Variants in AATF observed in about 807,000 individuals in gnomAD.
AATF encodes the protein apoptosis antagonizing transcription factor.
Under a neutral mutation model 63.7 loss-of-function variants are expected in AATF, and 48 were observed. That is an observed-to-expected ratio of 0.75 (90% CI 0.60 to 0.96). The LOEUF is 0.96. AATF is among the 40% of genes least tolerant of loss of function. AATF has a pLI of 0.00. For missense variants in AATF, 639 were observed against 685.7 expected, an observed-to-expected ratio of 0.93 and a Z score of 0.76; for synonymous variants, 258 against 247.7, an observed-to-expected ratio of 1.04 and a Z score of -0.39.
chr17:37,031,430 C>G (rs1482225332), intron 10 of AATF, 184 bp from the exon 11 acceptor site: 1 of 616,100 alleles, frequency 1.6e-6, no homozygotes. Context: ...CCACAGATAC[C>G]ATGGGATGAC....
Position 37,033,541 on chromosome 17 carries a change from A to G in AATF, c.1619+1856A>G, listed in dbSNP as rs111511947. 1.9e-3 allele frequency among the ~76,000 whole-genome samples: 292 copies of G among 152,316 alleles called. 3 individuals are homozygous for G. Among genetic ancestry groups the G allele is most frequent in the African/African-American group, 6.6e-3 (276 of 41,564 alleles). On this transcript the variant is annotated intron_variant, in intron 11 of 11. Transcript: ENST00000619387. ...ACTTAGTTTTTCCAGAATCTTACCAATATTAACTCCTAATTTTTGAAGGTC... is the reference window on the plus strand; with the variant it reads ...ACTTAGTTTTTCCAGAATCTTACCAGTATTAACTCCTAATTTTTGAAGGTC...
chr17:36,989,126 A>G, intron 6 of AATF, 121 bp from the exon 7 acceptor site: 1 of 1,164,782 alleles, frequency 8.6e-7, no homozygotes, highest in Non-Finnish European at 1.2e-6. Flanking sequence ...CTTTACAGAA[A>G]GTCCCTCCTG....
intron 11 of AATF, among the ~76,000 whole-genome samples, chr17:37,049,255 T>G (rs2071724420): frequency 6.6e-6 from 1 of 152,186 alleles, no homozygotes; most frequent in African/African-American, 2.4e-5. Flanking sequence ...CTTGTTCTAT[T>G]TAACTATTCA....
rs543263701 is a variant in AATF at position 37,006,058 on chromosome 17, G to A, written c.1399-12947G>A. Reference sequence around the variant, plus strand: ...GCTGAGGTAGGAAGATCACTTGAGCGCAGGACCTCAGGGCTGTACAGTGAA... The same window carrying A: ...GCTGAGGTAGGAAGATCACTTGAGCACAGGACCTCAGGGCTGTACAGTGAA... On this transcript the variant is annotated intron_variant, in intron 8 of 11. Coordinates refer to ENST00000619387, the MANE Select transcript of AATF (RefSeq NM_012138.4). 7.9e-5 allele frequency among the ~76,000 whole-genome samples: 12 copies of A among 152,200 alleles called. No individual in the cohort carries two copies. The South Asian group carries it at 1.9e-3, about 24-fold the overall frequency.
intron 11 of AATF, among the ~76,000 whole-genome samples, chr17:37,050,249 A>G (rs910063359): frequency 1.3e-5 from 2 of 152,164 alleles, no homozygotes; most frequent in African/African-American, 4.8e-5. Context: ...CCCCAAATGG[A>G]GTGGTTTGTC....
intron 11 of AATF, among the ~76,000 whole-genome samples, chr17:37,044,198 T>C (rs139695859): frequency 2.0e-5 from 3 of 152,362 alleles, no homozygotes; most frequent in East Asian, 3.9e-4. Flanking sequence ...ACTTCTTTAA[T>C]ATACTTTCCT....
intron 3 of AATF, 94 bp downstream of exon 3, chr17:36,953,390 G>A (rs2070873082): frequency 1.3e-6 from 2 of 1,531,168 alleles, no homozygotes; most frequent in Non-Finnish European, 8.8e-7. Flanking sequence ...TCTATCTCCT[G>A]TGTCCTTTCA....
At chr17:37,034,817 C>G (rs2071577817) in intron 11 of AATF, 1 of 152,072 alleles carries the variant, frequency 6.6e-6, no homozygotes, top group Admixed American at 6.5e-5. Flanking sequence ...AGCATATCAA[C>G]AAGAAGACTT....
chr17:36,957,161 TAA>T (rs985305805), intron 4 of AATF, among the ~76,000 whole-genome samples: 1 of 152,260 alleles, frequency 6.6e-6, no homozygotes, highest in Non-Finnish European at 1.5e-5. Context: ...ACAGAGTAGT[TAA>T]AGTCAGACCG....
chr17:36,959,898 A>G (rs964215660), intron 4 of AATF, among the ~76,000 whole-genome samples: 1 of 152,168 alleles, frequency 6.6e-6, no homozygotes, highest in African/African-American at 2.4e-5. Context: ...AACAGATTTC[A>G]CTATTAATAA....
intron 11 of AATF, among the ~76,000 whole-genome samples, chr17:37,038,463 T>C (rs1254625909): frequency 1.3e-5 from 2 of 152,152 alleles, no homozygotes; most frequent in African/African-American, 4.8e-5. Context: ...GCTGTCAGGA[T>C]GGAAAGGGTC....
At chr17:36,997,160 C>T (rs1242575764) in intron 8 of AATF, among the ~76,000 whole-genome samples, 1 of 152,140 alleles carries the variant, frequency 6.6e-6, no homozygotes, top group Non-Finnish European at 1.5e-5. Context: ...GTTTGGCACT[C>T]CTCAAGAAAT....
chr17:36,952,147 G>A (rs913157397), intron 2 of AATF, among the ~76,000 whole-genome samples: 21 of 152,224 alleles, frequency 1.4e-4, no homozygotes, highest in African/African-American at 4.8e-4. Flanking sequence ...ACTCCAGTGC[G>A]TTTTCCCTTC....
At chr17:36,995,483 A>C (rs192176943) in intron 8 of AATF, among the ~76,000 whole-genome samples, 2 of 152,216 alleles carry the variant, frequency 1.3e-5, no homozygotes, top group Non-Finnish European at 2.9e-5. Context: ...CTTAGTGTGA[A>C]TAAGAGGTGT....
intron 1 of AATF, 42 bp from the exon 2 acceptor site, chr17:36,950,172 C>CT (rs1247257782): frequency 2.5e-6 from 4 of 1,589,630 alleles, no homozygotes; most frequent in Non-Finnish European, 3.4e-6. Flanking sequence ...AAAGTTTCTG[C>CT]TAACCTGGAG....
At chr17:37,040,844 A>T (rs970198245) in intron 11 of AATF, among the ~76,000 whole-genome samples, 6 of 152,192 alleles carry the variant, frequency 3.9e-5, no homozygotes, top group African/African-American at 1.4e-4. Context: ...CTGGATTCCC[A>T]AACCTGGTTT....
chr17:37,032,000 G>A (rs2071555453), intron 11 of AATF, among the ~76,000 whole-genome samples: 1 of 152,172 alleles, frequency 6.6e-6, no homozygotes. Flanking sequence ...ACTTGGGGCT[G>A]TTGTGCATAT....
rs754629358 is a variant in AATF, at chr17:37,056,599, A to C, written c.1620-2A>C. The C allele has an allele frequency of 4.3e-6, 7 of 1,614,020 alleles. No individual in the cohort carries two copies. Among genetic ancestry groups the C allele is most frequent in the Non-Finnish European group, 5.1e-6 (6 of 1,180,020 alleles). On this transcript the variant is annotated splice_acceptor_variant, in intron 11 of 11. Transcript: ENST00000619387. LOFTEE classifies it high-confidence loss of function. Reference sequence around the variant, plus strand: ...AACCAGTTTGCTGTGTTTGTCTTTTAGGACAGAACTGTACCGCTCTCTTTT... The same window carrying C: ...AACCAGTTTGCTGTGTTTGTCTTTTCGGACAGAACTGTACCGCTCTCTTTT...
chr17:37,019,407 G>A (rs1235589754), intron 9 of AATF, among the ~76,000 whole-genome samples: 1 of 152,204 alleles, frequency 6.6e-6, no homozygotes, highest in East Asian at 1.9e-4. Context: ...TGAGCTCTCA[G>A]CTGTCAGAAC....
Sources: allele counts gnomAD v4.1 joint callset (sites outside exome capture counted in the v4.1 genomes callset), GRCh38; gene constraint gnomAD v4.1.1; transcripts MANE v1.5; gene names NCBI Gene and HGNC (gene_info 2026-07-23, HGNC 2026-07-21).